Variants in SYNE1 observed in about 807,000 individuals in gnomAD.
SYNE1 encodes nesprin-1.
Under a neutral mutation model 1,111.0 loss-of-function variants are expected in SYNE1, and 616 were observed. The observed-to-expected ratio is 0.55, with a 90% CI of 0.52 to 0.59. The LOEUF (loss-of-function observed/expected upper bound fraction) is 0.59. Among genes scored for constraint, SYNE1 ranks in the 20% least tolerant of loss-of-function variants. The pLI is 0.00. For synonymous variants in SYNE1, 3,855 were observed against 3,825.8 expected (o/e 1.01, Z -0.28); for missense variants, 10,006 against 10,417.0 (o/e 0.96, Z 1.72).
intron 126 of SYNE1, among the ~76,000 whole-genome samples, chr6:152,204,484 T>C (rs1218109590): frequency 1.3e-5 from 2 of 152,116 alleles, no homozygotes; most frequent in South Asian, 2.1e-4. Flanking sequence ...CATGGAATTA[T>C]AATGCCTATA....
intron 53 of SYNE1, among the ~76,000 whole-genome samples, chr6:152,388,786 CTT>C (rs2097561756): frequency 6.6e-6 from 1 of 152,178 alleles, no homozygotes; most frequent in South Asian, 2.1e-4. Context: ...AATTTAATTT[CTT>C]GCTGAAATAG....
chr6:152,621,578 C>A (rs1226101537), intron 3 of SYNE1, among the ~76,000 whole-genome samples: 1 of 149,642 alleles, frequency 6.7e-6, no homozygotes, highest in East Asian at 1.9e-4. Flanking sequence ...ATTTGTAAAC[C>A]TTTGCTTTTT....
intron 42 of SYNE1, among the ~76,000 whole-genome samples, chr6:152,412,851 A>ATTTTTTTTTTTT (rs373723820): frequency 4.3e-4 from 57 of 131,636 alleles, no homozygotes; most frequent in East Asian, 2.1e-3. Context: ...TTCACATGTA[A>ATTTTTTTTTTTT]TTTTTTTTTT....
At position 152,447,528 on chromosome 6, in the gene SYNE1, G is replaced by A. The variant is rs953402166; in HGVS notation, c.3599C>T (p.Ala1200Val). ...TGCCAGCTCATCTCCCTGCTTTTGGGCTTCATTCTCAGAAGAAACTTCTGT... is the reference window on the plus strand; with the variant it reads ...TGCCAGCTCATCTCCCTGCTTTTGGACTTCATTCTCAGAAGAAACTTCTGT... ...VLTEVSSENE[A>V]QKQGDELAKL... The change falls in exon 29 of 146, where the codon GCC (alanine) becomes GTC (valine). Residue 1200 changes from alanine to valine, a missense_variant. Ala to Val is a moderately conservative substitution (Grantham distance 64). This residue lies in a region of SYNE1 where 1,971 missense variants were observed against 2,084.1 expected (regional missense o/e 0.95). Coordinates refer to ENST00000367255, the MANE Select transcript of SYNE1 (RefSeq NM_182961.4). 1 of 1,614,194 alleles carries A rather than the reference G, an allele frequency of 6.2e-7. No homozygotes were observed.
At chr6:152,258,852 C>G (rs2091445395) in intron 101 of SYNE1, among the ~76,000 whole-genome samples, 1 of 151,586 alleles carries the variant, frequency 6.6e-6, no homozygotes, top group African/African-American at 2.4e-5. Flanking sequence ...TCAAGTGATT[C>G]TCCTGTCTCA....
intron 39 of SYNE1, among the ~76,000 whole-genome samples, chr6:152,421,510 T>C (rs1159966156): frequency 2.0e-5 from 3 of 152,052 alleles, no homozygotes; most frequent in Non-Finnish European, 2.9e-5. Context: ...AGAAAAATTA[T>C]GTTTTAAAAA....
chr6:152,139,700 GAAAAAGAAAAGAAAGAA>G, intron 140 of SYNE1, among the ~76,000 whole-genome samples: 1 of 50,508 alleles, frequency 2.0e-5, no homozygotes, highest in East Asian at 4.7e-4. Context: ...AAAAGAAAGA[GAAAAAGAAAAGAAAGAA>G]AAAGAAAGAA....
chr6:152,335,032 C>A (rs1269901955), intron 76 of SYNE1, among the ~76,000 whole-genome samples: 8 of 152,196 alleles, frequency 5.3e-5, no homozygotes, highest in Non-Finnish European at 2.9e-5. Context: ...CTACTCCCTG[C>A]ATACACAGCA....
At chr6:152,538,821 GA>G (rs1380174576) in intron 4 of SYNE1, among the ~76,000 whole-genome samples, 2 of 152,068 alleles carry the variant, frequency 1.3e-5, no homozygotes, top group African/African-American at 4.8e-5. Flanking sequence ...CTGTGGGGAA[GA>G]GAGCATAGGA....
chr6:152,302,240 T>C, intron 91 of SYNE1, 177 bp from the exon 92 acceptor site: 7 of 842,338 alleles, frequency 8.3e-6, no homozygotes, highest in Non-Finnish European at 1.3e-5. Context: ...GACCGCAGGC[T>C]GCGCGGCGCG....
intron 3 of SYNE1, among the ~76,000 whole-genome samples, chr6:152,602,900 G>A (rs2099599482): frequency 6.6e-6 from 1 of 152,304 alleles, no homozygotes; most frequent in South Asian, 2.1e-4. Context: ...AAGTTCTCCT[G>A]TAAGAGCTGG....
chr6:152,353,854 T>C lies in SYNE1; in HGVS notation c.10927-110A>G, dbSNP rs551270193. ...TCAGTGTAGGTTTAGAAGATGTTTA[T>C]TTTGAGATTTAATTTTGAAAATGCC... On this transcript the variant is annotated intron_variant, in intron 67 of 145. Transcript: ENST00000367255. 4.1e-5 allele frequency: 57 copies of C among 1,396,570 alleles called. No individual in the cohort carries two copies. The African/African-American group carries it at 7.9e-4, about 19-fold the overall frequency. 86.5% of individuals were successfully genotyped at this position (1,396,570 alleles called of 1,614,324 possible). A position where few individuals can be genotyped will look rare whatever the true frequency, so the allele number is the denominator to read the frequency against.
Position 152,164,188 on chromosome 6 carries a change from A to C in SYNE1, c.23765T>G (p.Ile7922Arg). Reference protein sequence around the residue: ...IVYDSCNSEEIQRKLNEQQEL... With the variant: ...IVYDSCNSEERQRKLNEQQEL... ...CTGCTGCTCATTAAGCTTTCTCTGTATTTCTTCCGAGTTACAGGAATCGTA... is the reference window on the plus strand; with the variant it reads ...CTGCTGCTCATTAAGCTTTCTCTGTCTTTCTTCCGAGTTACAGGAATCGTA... The change falls in exon 131 of 146, where the codon ATA becomes AGA. Residue 7922 changes from isoleucine to arginine, a missense_variant. By Grantham distance (97) the Ile-to-Arg change is moderately conservative. This residue lies in a region of SYNE1 where 2,182 missense variants were observed against 2,287.8 expected (regional missense o/e 0.95). Coordinates refer to ENST00000367255, the MANE Select transcript of SYNE1 (RefSeq NM_182961.4). 5 of 1,613,966 alleles carry C rather than the reference A, an allele frequency of 3.1e-6. No homozygotes were observed. Among genetic ancestry groups the C allele is most frequent in the Non-Finnish European group, 4.2e-6 (5 of 1,179,992 alleles).
chr6:152,483,345 A>ACT, intron 13 of SYNE1, 96 bp from the exon 14 acceptor site: 2 of 1,057,944 alleles, frequency 1.9e-6, no homozygotes, highest in Non-Finnish European at 1.4e-6. Flanking sequence ...ATAAAGCTTT[A>ACT]AGTTAATGAT....
intron 131 of SYNE1, among the ~76,000 whole-genome samples, chr6:152,158,391 T>G (rs1385723126): frequency 6.6e-6 from 1 of 152,208 alleles, no homozygotes; most frequent in Non-Finnish European, 1.5e-5. Flanking sequence ...ACCCGGGATT[T>G]ATATTCTTGT....
chr6:152,346,678 CGGG>C (rs2096639500), intron 73 of SYNE1, among the ~76,000 whole-genome samples: 1 of 151,750 alleles, frequency 6.6e-6, no homozygotes, highest in South Asian at 2.1e-4. Flanking sequence ...GGCGTGGTGG[CGGG>C]CGCCTGTAGT....
At chr6:152,399,854 T>A in intron 47 of SYNE1, 31 bp from the exon 48 acceptor site, 1 of 1,606,470 alleles carries the variant, frequency 6.2e-7, no homozygotes, top group Non-Finnish European at 8.5e-7. Context: ...ATGAAGGATA[T>A]TCATAACTTG....
At chr6:152,322,734 T>G (rs549183242) in intron 82 of SYNE1, among the ~76,000 whole-genome samples, 2 of 152,242 alleles carry the variant, frequency 1.3e-5, no homozygotes, top group South Asian at 4.2e-4. Flanking sequence ...AAGTGACACG[T>G]TTATTCCTTT....
At chr6:152,420,446 T>A (rs2098239945) in intron 39 of SYNE1, among the ~76,000 whole-genome samples, 1 of 151,952 alleles carries the variant, frequency 6.6e-6, no homozygotes, top group African/African-American at 2.4e-5. Flanking sequence ...ACAGCAAAAC[T>A]CCATTTCTAC....
Sources: allele counts gnomAD v4.1 joint callset (sites outside exome capture counted in the v4.1 genomes callset), GRCh38; gene constraint gnomAD v4.1.1; regional missense constraint gnomAD v4.1.1; transcripts MANE v1.5; gene names NCBI Gene and HGNC (gene_info 2026-07-23, HGNC 2026-07-21).